CSMD1: variants seen among roughly 807,000 people sequenced by gnomAD.
The protein encoded by CSMD1 is CUB and Sushi multiple domains 1.
CSMD1 carries 213 observed loss-of-function variants against 417.5 expected under a neutral mutation model. The ratio of observed to expected loss-of-function variants is 0.51; its 90% CI spans 0.46 to 0.57. CSMD1 has a LOEUF of 0.57. Ranked by LOEUF, CSMD1 falls within the 20% of genes least tolerant of loss-of-function variation. CSMD1 has a pLI of 0.00. For missense variants in CSMD1, 6,923 were observed against 4,529.7 expected (o/e 1.53, Z -15.17); for synonymous variants, 2,862 against 1,736.8 (o/e 1.65, Z -16.11).
chr8:4,868,768 T>A (rs918306527), intron 1 of CSMD1, among the ~76,000 whole-genome samples: 1 of 109,600 alleles, frequency 9.1e-6, no homozygotes. Flanking sequence ...ATTGGCTGTG[T>A]AAGCTTGTAA....
intron 3 of CSMD1, among the ~76,000 whole-genome samples, chr8:4,074,835 G>A (rs903936710): frequency 6.6e-6 from 1 of 152,004 alleles, no homozygotes; most frequent in Admixed American, 6.6e-5. Context: ...TTTCTTGGTA[G>A]AATTTTCTGA....
chr8:4,041,925 C>T (rs967872373), intron 3 of CSMD1, among the ~76,000 whole-genome samples: 3 of 152,026 alleles, frequency 2.0e-5, no homozygotes, highest in African/African-American at 4.8e-5. Flanking sequence ...CATTAATGAA[C>T]ATGTAGAGAT....
At chr8:3,819,641 T>A (rs57892957) in intron 5 of CSMD1, among the ~76,000 whole-genome samples, 5,504 of 152,066 alleles carry the variant, frequency 0.036, 345 homozygotes, top group African/African-American at 0.12. Flanking sequence ...TGGAGTACAG[T>A]GGAGCAATCA....
chr8:3,790,722 C>G (rs1252357777), intron 5 of CSMD1, among the ~76,000 whole-genome samples: 1 of 151,950 alleles, frequency 6.6e-6, no homozygotes, highest in African/African-American at 2.4e-5. Flanking sequence ...ACAAAAACAC[C>G]CAAACTTCTC....
chr8:3,159,452 G>T (rs943135149), intron 38 of CSMD1, among the ~76,000 whole-genome samples: 3 of 152,156 alleles, frequency 2.0e-5, no homozygotes, highest in African/African-American at 7.2e-5. Flanking sequence ...TACTTTCAGC[G>T]TGTGATGTCA....
chr8:3,193,457 G>A (rs1001092080), intron 33 of CSMD1, among the ~76,000 whole-genome samples: 3 of 152,086 alleles, frequency 2.0e-5, no homozygotes, highest in Non-Finnish European at 4.4e-5. Flanking sequence ...TCCACGGAAC[G>A]TCTGGGAAGC....
At chr8:4,073,973 C>G (rs1863478) in intron 3 of CSMD1, among the ~76,000 whole-genome samples, 119,669 of 151,862 alleles carry the variant, frequency 0.79, 47,788 homozygotes, top group East Asian at 0.97. Context: ...ATAATAAAAT[C>G]TTTGTCATTG....
chr8:3,941,527 T>G (rs972588793), intron 5 of CSMD1, among the ~76,000 whole-genome samples: 3 of 152,144 alleles, frequency 2.0e-5, no homozygotes, highest in African/African-American at 7.2e-5. Flanking sequence ...GTGCTTAGTT[T>G]TAAAGTGCTC....
intron 3 of CSMD1, among the ~76,000 whole-genome samples, chr8:4,253,524 G>A (rs1007643715): frequency 1.3e-5 from 2 of 152,102 alleles, no homozygotes; most frequent in African/African-American, 2.4e-5. Context: ...GATAGAGAAA[G>A]AAGAAAAGGA....
intron 11 of CSMD1, among the ~76,000 whole-genome samples, chr8:3,489,544 A>G (rs1179342876): frequency 1.3e-5 from 2 of 152,208 alleles, no homozygotes; most frequent in Non-Finnish European, 2.9e-5. Flanking sequence ...TGTACTTGGA[A>G]AGAACTCAAC....
intron 1 of CSMD1, among the ~76,000 whole-genome samples, chr8:4,655,440 G>A (rs1236979645): frequency 6.6e-6 from 1 of 152,082 alleles, no homozygotes; most frequent in Non-Finnish European, 1.5e-5. Context: ...AAATGGAAAT[G>A]TGAAGTTACA....
At chr8:3,074,170 G>A (rs1813487961) in intron 49 of CSMD1, among the ~76,000 whole-genome samples, 1 of 152,180 alleles carries the variant, frequency 6.6e-6, no homozygotes, top group Admixed American at 6.5e-5. Flanking sequence ...GCGTCCAGAG[G>A]CCCTGTGTTC....
chr8:3,946,663 G>A (rs368154965), intron 5 of CSMD1, among the ~76,000 whole-genome samples: 1 of 152,032 alleles, frequency 6.6e-6, no homozygotes, highest in East Asian at 1.9e-4. Flanking sequence ...CATCTTGAAA[G>A]CCCTGCATCT....
chr8:3,310,852 C>T (rs1037367920), intron 23 of CSMD1, among the ~76,000 whole-genome samples: 17 of 151,584 alleles, frequency 1.1e-4, no homozygotes, highest in African/African-American at 4.1e-4. Flanking sequence ...ACCCGAACTT[C>T]TCGTTTTTCA....
At chr8:3,955,099 G>C (rs1349116848) in intron 5 of CSMD1, among the ~76,000 whole-genome samples, 1 of 152,118 alleles carries the variant, frequency 6.6e-6, no homozygotes, top group African/African-American at 2.4e-5. Flanking sequence ...GTGGGTGCGG[G>C]AAAGCCGTCT....
At chr8:3,749,159 G>A (rs1370603266) in intron 6 of CSMD1, among the ~76,000 whole-genome samples, 1 of 152,114 alleles carries the variant, frequency 6.6e-6, no homozygotes, top group African/African-American at 2.4e-5. Flanking sequence ...GATGGATTGT[G>A]CTTACAAGGC....
chr8:4,253,711 T>G (rs566249583), intron 3 of CSMD1, among the ~76,000 whole-genome samples: 1 of 151,872 alleles, frequency 6.6e-6, no homozygotes, highest in African/African-American at 2.4e-5. Flanking sequence ...AACTAAGTAA[T>G]GCTTAACTAC....
chr8:3,250,755 C>G (rs546721776), intron 26 of CSMD1, among the ~76,000 whole-genome samples: 117 of 152,306 alleles, frequency 7.7e-4, no homozygotes, highest in African/African-American at 2.7e-3. Flanking sequence ...GATTGCCATT[C>G]TAACTGGTGT....
chr8:4,172,082 G>C (rs553953535), intron 3 of CSMD1, among the ~76,000 whole-genome samples: 1 of 150,094 alleles, frequency 6.7e-6, no homozygotes, highest in East Asian at 1.9e-4. Flanking sequence ...TCAGGGGAAG[G>C]CGTATCACGG....
Sources: gnomAD v4.1 joint callset for allele counts (sites outside exome capture counted in the v4.1 genomes callset) on GRCh38, gnomAD v4.1.1 for gene constraint, MANE v1.5 for transcripts, NCBI Gene and HGNC (gene_info 2026-07-23, HGNC 2026-07-21) for gene names.